The following PRELID2 variants were observed in gnomAD, a reference collection of about 807,000 sequenced individuals.
PRELID2 encodes the protein PRELI domain containing 2.
In PRELID2, 25 loss-of-function variants were observed where a neutral mutation model predicts 28.4. The observed-to-expected ratio is 0.88, with a 90% CI of 0.64 to 1.23. PRELID2 has a LOEUF of 1.23. Among genes scored for constraint, PRELID2 ranks in the 50% most tolerant of loss-of-function variants. The pLI is 0.00. For synonymous variants in PRELID2, 76 were observed against 71.6 expected, an observed-to-expected ratio of 1.06 and a Z score of -0.31; for missense variants, 201 against 214.4, an observed-to-expected ratio of 0.94 and a Z score of 0.39.
Position 145,600,825 on chromosome 5 carries a change from T to C in PRELID2, n.71-127510A>G, listed in dbSNP as rs929343761. Reference sequence around the variant, plus strand: ...ATGAAATATTATAAACATGTATGTATGAAATGTTTAAAGAAACAAAAATAA... The same window carrying C: ...ATGAAATATTATAAACATGTATGTACGAAATGTTTAAAGAAACAAAAATAA... On this transcript the variant is annotated intron_variant and non_coding_transcript_variant, in intron 1 of 2. Coordinates refer to the PRELID2 transcript ENST00000510259. Among the ~76,000 whole-genome samples the C allele has an allele frequency of 2.6e-5, 4 of 152,224 alleles. No individual in the cohort carries two copies. In the East Asian group the frequency reaches 7.7e-4, roughly 29 times the overall value.
At chr5:145,424,052 G>A in the PRELID2 span, among the ~76,000 whole-genome samples, 180 of 151,004 alleles carry the variant, frequency 1.2e-3, 1 homozygote, top group African/African-American at 3.9e-3. Context: ...CTGCTCGGGG[G>A]TCAGGGGTCA....
At chr5:145,333,188 T>A in the PRELID2 span, among the ~76,000 whole-genome samples, 2 of 152,160 alleles carry the variant, frequency 1.3e-5, no homozygotes, top group Non-Finnish European at 2.9e-5. Context: ...GGAGCTCTCC[T>A]GTATGAGGTA....
the PRELID2 span, among the ~76,000 whole-genome samples, chr5:145,337,726 TATATACTCAC>T: frequency 6.8e-5 from 2 of 29,232 alleles, no homozygotes; most frequent in African/African-American, 3.2e-4. Context: ...TATATATATA[TATATACTCAC>T]ACACACACAC....
chr5:145,252,496 A>T, the PRELID2 span, among the ~76,000 whole-genome samples: 1 of 152,074 alleles, frequency 6.6e-6, no homozygotes, highest in African/African-American at 2.4e-5. Context: ...TATTGAGAGG[A>T]TTAAATTAGA....
chr5:145,370,519 CT>C, the PRELID2 span, among the ~76,000 whole-genome samples: 1 of 152,114 alleles, frequency 6.6e-6, no homozygotes, highest in South Asian at 2.1e-4. Flanking sequence ...GTTTTGGTTA[CT>C]GTATCCTTGT....
the PRELID2 span, among the ~76,000 whole-genome samples, chr5:145,453,135 A>C: frequency 6.6e-6 from 1 of 152,190 alleles, no homozygotes. Flanking sequence ...CATATGACTT[A>C]TTTACTTCCC....
At chr5:145,634,480 A>C (rs1433038) in intron 1 of PRELID2, among the ~76,000 whole-genome samples, 2,171 of 152,304 alleles carry the variant, frequency 0.014, 25 homozygotes, top group Middle Eastern at 0.037. Context: ...CCTCTAAGTT[A>C]TAAGGTGCTA....
At chr5:145,401,609 C>T in the PRELID2 span, among the ~76,000 whole-genome samples, 2 of 152,164 alleles carry the variant, frequency 1.3e-5, no homozygotes, top group Non-Finnish European at 2.9e-5. Flanking sequence ...AGGACTCCCT[C>T]TTTGCCTTCT....
chr5:145,358,270 G>A, the PRELID2 span, among the ~76,000 whole-genome samples: 1 of 152,058 alleles, frequency 6.6e-6, no homozygotes. Context: ...AGAGGGAGGA[G>A]GTGGATGGAG....
intron 5 of PRELID2, among the ~76,000 whole-genome samples, chr5:145,788,747 T>TTA (rs147521518): frequency 0.046 from 7,015 of 151,586 alleles, 308 homozygotes; most frequent in African/African-American, 0.12. Context: ...CAACATGATC[T>TTA]TATATATATA....
the PRELID2 span, among the ~76,000 whole-genome samples, chr5:145,453,431 C>T: frequency 6.6e-6 from 1 of 152,110 alleles, no homozygotes. Context: ...TTAGAACCAC[C>T]AACGGTTTCC....
intron 1 of PRELID2, among the ~76,000 whole-genome samples, chr5:145,570,048 T>G (rs1753003514): frequency 6.6e-6 from 1 of 152,208 alleles, no homozygotes; most frequent in Non-Finnish European, 1.5e-5. Context: ...TCCCAGCTTC[T>G]GGTTGTTCGC....
At chr5:145,578,234 G>A (rs1753078234) in intron 1 of PRELID2, among the ~76,000 whole-genome samples, 2 of 152,246 alleles carry the variant, frequency 1.3e-5, no homozygotes, top group Non-Finnish European at 2.9e-5. Flanking sequence ...TTGACCATGA[G>A]TACCTGTGAG....
chr5:145,572,495 T>C (rs969020029), intron 1 of PRELID2, among the ~76,000 whole-genome samples: 1 of 152,252 alleles, frequency 6.6e-6, no homozygotes, highest in Non-Finnish European at 1.5e-5. Flanking sequence ...GCACTTAATG[T>C]ACAGCATCTG....
the PRELID2 span, among the ~76,000 whole-genome samples, chr5:145,260,592 C>T: frequency 1.3e-5 from 2 of 152,214 alleles, no homozygotes; most frequent in East Asian, 3.9e-4. Context: ...TTTGTGGATA[C>T]ATAGTAGGTG....
At chr5:145,515,413 G>T (rs1752506778) in intron 1 of PRELID2, among the ~76,000 whole-genome samples, 1 of 152,056 alleles carries the variant, frequency 6.6e-6, no homozygotes, top group Non-Finnish European at 1.5e-5. Flanking sequence ...TAAATTCCTG[G>T]ATGCATACAC....
chr5:145,740,854 G>GTACATATATTTATCGATAAATATATATC (rs1756679280), intron 1 of PRELID2, among the ~76,000 whole-genome samples: 1 of 26,314 alleles, frequency 3.8e-5, no homozygotes, highest in African/African-American at 1.1e-4. Flanking sequence ...AAATATATAT[G>GTACATATATTTATCGATAAATATATATC]TACATATATT....
At chr5:145,493,732 C>A (rs1339818806) in intron 1 of PRELID2, among the ~76,000 whole-genome samples, 2 of 152,046 alleles carry the variant, frequency 1.3e-5, no homozygotes, top group Non-Finnish European at 2.9e-5. Flanking sequence ...TTTCCTTTTC[C>A]TTCCCCACCA....
the PRELID2 span, among the ~76,000 whole-genome samples, chr5:145,344,856 C>T: frequency 6.6e-6 from 1 of 151,872 alleles, no homozygotes; most frequent in Non-Finnish European, 1.5e-5. Context: ...GCCTGTTTGT[C>T]CTTATTTCAT....
Sources: allele counts gnomAD v4.1 joint callset (sites outside exome capture counted in the v4.1 genomes callset), GRCh38; gene constraint gnomAD v4.1.1; transcripts MANE v1.5; gene names NCBI Gene and HGNC (gene_info 2026-07-23, HGNC 2026-07-21).